ADAM18: variants seen among roughly 807,000 people sequenced by gnomAD.
The protein encoded by ADAM18 is ADAM metallopeptidase domain 18.
ADAM18 carries 117 observed loss-of-function variants against 94.4 expected under a neutral mutation model. That is an observed-to-expected ratio of 1.24 (90% CI 1.07 to 1.45). The LOEUF is 1.45. Ranked by LOEUF, ADAM18 falls within the 40% of genes most tolerant of loss-of-function variation. The pLI is 0.00. For missense variants in ADAM18, 936 were observed against 880.0 expected, an observed-to-expected ratio of 1.06 and a Z score of -0.81; for synonymous variants, 327 against 291.6, an observed-to-expected ratio of 1.12 and a Z score of -1.24.
chr8:39,610,389 A>G (rs1819234127), intron 5 of ADAM18, 140 bp from the exon 6 acceptor site: 1 of 1,154,202 alleles, frequency 8.7e-7, no homozygotes, highest in African/African-American at 1.6e-5. Flanking sequence ...CCCCCCAAAA[A>G]ATAATGGAAA....
At chr8:39,659,231 G>A (rs915500041) in intron 12 of ADAM18, among the ~76,000 whole-genome samples, 4 of 151,948 alleles carry the variant, frequency 2.6e-5, no homozygotes. Flanking sequence ...TTTAGTGACT[G>A]TTGTTATACA....
At chr8:39,696,637 T>C (rs867733778) in intron 17 of ADAM18, among the ~76,000 whole-genome samples, 1 of 151,564 alleles carries the variant, frequency 6.6e-6, no homozygotes, top group South Asian at 2.1e-4. Flanking sequence ...CATTTACCCA[T>C]TGAATGGTCA....
intron 18 of ADAM18, among the ~76,000 whole-genome samples, chr8:39,723,180 C>T (rs199986153): frequency 1.2e-5 from 1 of 83,902 alleles, no homozygotes; most frequent in Non-Finnish European, 2.4e-5. Flanking sequence ...ATTAAAAAAA[C>T]AAAGGTAATA....
rs916467581 is a variant in ADAM18 at position 39,609,620 on chromosome 8, A to G, written c.344+59A>G. Reference sequence around the variant, plus strand: ...GAACTTAAGATAGTCTTTAAAACAAAACTTAGTGACTAGCAGACACAAATC... The same window carrying G: ...GAACTTAAGATAGTCTTTAAAACAAGACTTAGTGACTAGCAGACACAAATC... On this transcript the variant is annotated intron_variant, in intron 5 of 19. Transcript: ENST00000265707. 3 of 1,221,064 alleles carry G rather than the reference A, an allele frequency of 2.5e-6. No homozygotes were observed. In the African/African-American group the frequency reaches 4.5e-5, roughly 18 times the overall value. 75.6% of individuals were successfully genotyped at this position (1,221,064 alleles called of 1,614,324 possible). A position where few individuals can be genotyped will look rare whatever the true frequency, so the allele number is the denominator to read the frequency against.
At chr8:39,698,051 G>A (rs1438031517) in intron 17 of ADAM18, among the ~76,000 whole-genome samples, 1 of 151,548 alleles carries the variant, frequency 6.6e-6, no homozygotes, top group African/African-American at 2.4e-5. Flanking sequence ...ATCCTTTTGG[G>A]ATTAAATTTA....
rs200924990 is a variant in ADAM18 at position 39,610,377 on chromosome 8, GC to G, written c.345-145del. The G allele has an allele frequency of 3.1e-3, 3,169 of 1,007,716 alleles. 20 individuals carry two copies. The highest frequency in any genetic ancestry group is 0.023 in the Admixed American group (596 of 25,420). 62.4% of individuals were successfully genotyped at this position (1,007,716 alleles called of 1,614,324 possible). A position where few individuals can be genotyped will look rare whatever the true frequency, so the allele number is the denominator to read the frequency against. On this transcript the variant is annotated intron_variant, in intron 5 of 19. Coordinates refer to ENST00000265707, the MANE Select transcript of ADAM18 (RefSeq NM_014237.3). ...TGGTGGCTCTTACTAATGATAAACT[GC>G]CCCCCCAAAAAATAATGGAAAAAGA... is the stretch of plus-strand genomic sequence containing the variant.
At chr8:39,676,360 C>T (rs752618856) in intron 14 of ADAM18, among the ~76,000 whole-genome samples, 1 of 152,242 alleles carries the variant, frequency 6.6e-6, no homozygotes, top group African/African-American at 2.4e-5. Flanking sequence ...ATGGCTGATA[C>T]CCCTCCCCCA....
At chr8:39,719,275 A>G (rs546585325) in intron 18 of ADAM18, among the ~76,000 whole-genome samples, 1 of 151,612 alleles carries the variant, frequency 6.6e-6, no homozygotes, top group Non-Finnish European at 1.5e-5. Flanking sequence ...GAATAATTAT[A>G]TATTTATATG....
intron 2 of ADAM18, among the ~76,000 whole-genome samples, chr8:39,588,597 TAC>T (rs1818477471): frequency 6.6e-6 from 1 of 152,000 alleles, no homozygotes; most frequent in South Asian, 2.1e-4. Context: ...TATCTAAGTA[TAC>T]ATATGGAAGC....
At chr8:39,727,862 C>T (rs1254434748) in intron 19 of ADAM18, among the ~76,000 whole-genome samples, 1 of 152,084 alleles carries the variant, frequency 6.6e-6, no homozygotes, top group Non-Finnish European at 1.5e-5. Context: ...CTATGTTAGG[C>T]CATTCTTGCA....
Position 39,648,325 on chromosome 8 carries a change from G to A in ADAM18, c.1047-19G>A. The A allele has an allele frequency of 6.4e-7, 1 of 1,559,264 alleles. No homozygotes were observed. The highest frequency in any genetic ancestry group is 8.7e-7 in the Non-Finnish European group (1 of 1,151,748). On this transcript the variant is annotated intron_variant, in intron 11 of 19. Coordinates refer to ENST00000265707, the MANE Select transcript of ADAM18 (RefSeq NM_014237.3). ...TATTAGCCAGGCTTATTTGCCTGAG[G>A]AATATTATTTTATTTTAGGAGTGCC... is the stretch of plus-strand genomic sequence containing the variant.
Position 39,604,403 on chromosome 8 carries a change from T to C in ADAM18, c.133-1904T>C, listed in dbSNP as rs550861546. On this transcript the variant is annotated intron_variant, in intron 2 of 19. Coordinates refer to ENST00000265707, the MANE Select transcript of ADAM18 (RefSeq NM_014237.3). ...ATACTTATATTAAGGTCCTGTTTTA[T>C]TCACACATGATACAGTTTTGTATAT... Among the ~76,000 whole-genome samples the C allele has an allele frequency of 4.1e-4, 63 of 152,294 alleles. No homozygotes were observed. In the South Asian group the frequency reaches 0.013, roughly 31 times the overall value.
chr8:39,591,974 A>C (rs918653276), intron 2 of ADAM18, among the ~76,000 whole-genome samples: 1 of 152,248 alleles, frequency 6.6e-6, no homozygotes, highest in Non-Finnish European at 1.5e-5. Flanking sequence ...CTAGGTGACC[A>C]GGTACATTGT....
intron 19 of ADAM18, 86 bp from the exon 20 acceptor site, chr8:39,729,812 C>G (rs1823023131): frequency 2.9e-6 from 3 of 1,041,386 alleles, no homozygotes; most frequent in Admixed American, 2.0e-5. Flanking sequence ...AGTAGAAATT[C>G]AGTAGTAAAT....
intron 17 of ADAM18, among the ~76,000 whole-genome samples, chr8:39,705,438 A>G (rs1402812358): frequency 6.6e-6 from 1 of 152,122 alleles, no homozygotes; most frequent in Non-Finnish European, 1.5e-5. Context: ...GGAATAAGTT[A>G]AAAAGATGCA....
intron 17 of ADAM18, among the ~76,000 whole-genome samples, chr8:39,705,496 A>G (rs1822218427): frequency 6.6e-6 from 1 of 152,120 alleles, no homozygotes; most frequent in Non-Finnish European, 1.5e-5. Context: ...AAGCTGATGC[A>G]GGAGGATTAC....
At chr8:39,640,212 G>A (rs1820198607) in intron 10 of ADAM18, among the ~76,000 whole-genome samples, 1 of 152,004 alleles carries the variant, frequency 6.6e-6, no homozygotes, top group South Asian at 2.1e-4. Context: ...GCTCCAGTGT[G>A]TGTTGTTCCC....
At position 39,670,044 on chromosome 8, in the gene ADAM18, T is replaced by G. The variant is rs537955168; in HGVS notation, c.1525+1848T>G. On this transcript the variant is annotated intron_variant, in intron 14 of 19. Transcript: ENST00000265707. ...AGATGGTATCTCATTGTGGGTTTGA[T>G]TTGCATTTCTCTGATGGCCAGTGAT... is the stretch of plus-strand genomic sequence containing the variant. 1.1e-4 allele frequency among the ~76,000 whole-genome samples: 17 copies of G among 152,346 alleles called. No homozygotes were observed. In the South Asian group the frequency reaches 3.5e-3, roughly 32 times the overall value.
At chr8:39,636,958 T>C (rs895035697) in intron 7 of ADAM18, among the ~76,000 whole-genome samples, 3 of 149,970 alleles carry the variant, frequency 2.0e-5, no homozygotes, top group Non-Finnish European at 4.4e-5. Flanking sequence ...TTCATCCATG[T>C]TTTCACAAAT....
Sources: allele counts gnomAD v4.1 joint callset (sites outside exome capture counted in the v4.1 genomes callset), GRCh38; gene constraint gnomAD v4.1.1; transcripts MANE v1.5; gene names NCBI Gene and HGNC (gene_info 2026-07-23, HGNC 2026-07-21).